CDH13: variants seen among roughly 807,000 people sequenced by gnomAD.
The protein encoded by CDH13 is cadherin 13.
In CDH13, 24 loss-of-function variants were observed where a neutral mutation model predicts 63.8. That is an observed-to-expected ratio of 0.38 (90% confidence interval 0.27 to 0.53). The LOEUF (loss-of-function observed/expected upper bound fraction) is 0.53. Among genes scored for constraint, CDH13 ranks in the 20% least tolerant of loss-of-function variants. CDH13 has a pLI of 0.85. For synonymous variants in CDH13, 503 were observed against 355.3 expected (o/e 1.42, Z -4.67); for missense variants, 1,049 against 903.1 (o/e 1.16, Z -2.07).
chr16:82,665,079 A>G (rs1422135571), intron 1 of CDH13, among the ~76,000 whole-genome samples: 1 of 152,224 alleles, frequency 6.6e-6, no homozygotes, highest in Admixed American at 6.5e-5. Context: ...TATGATGTAT[A>G]TGCTTCCAGG....
intron 2 of CDH13, among the ~76,000 whole-genome samples, chr16:82,975,834 C>G (rs183044600): frequency 1.1e-3 from 172 of 152,122 alleles, no homozygotes; most frequent in Non-Finnish European, 2.1e-3. Flanking sequence ...TGTCTATACC[C>G]CCATCCCTGA....
At chr16:83,320,952 G>A (rs1361135384) in intron 5 of CDH13, among the ~76,000 whole-genome samples, 1 of 152,242 alleles carries the variant, frequency 6.6e-6, no homozygotes. Flanking sequence ...GTCTGAATGT[G>A]AAGTCTTTGG....
intron 2 of CDH13, among the ~76,000 whole-genome samples, chr16:82,974,378 C>A (rs1217130761): frequency 6.6e-6 from 1 of 152,158 alleles, no homozygotes; most frequent in Non-Finnish European, 1.5e-5. Context: ...GTCTCTGGTT[C>A]CCAACACCCT....
intron 5 of CDH13, among the ~76,000 whole-genome samples, chr16:83,324,855 C>A (rs1184958588): frequency 2.6e-5 from 4 of 152,148 alleles, no homozygotes; most frequent in African/African-American, 9.7e-5. Context: ...AATGCTGTTA[C>A]GTTGCCCTTA....
intron 6 of CDH13, among the ~76,000 whole-genome samples, chr16:83,375,205 C>G (rs556661783): frequency 6.6e-6 from 1 of 152,154 alleles, no homozygotes; most frequent in African/African-American, 2.4e-5. Flanking sequence ...TAGTTACTTG[C>G]GATCTGTTTA....
At chr16:83,051,728 C>A (rs1479787345) in intron 3 of CDH13, among the ~76,000 whole-genome samples, 4 of 152,196 alleles carry the variant, frequency 2.6e-5, no homozygotes, top group African/African-American at 9.6e-5. Flanking sequence ...ATCTGAACCT[C>A]CTGCTACCAT....
intron 3 of CDH13, among the ~76,000 whole-genome samples, chr16:83,065,314 G>T (rs150446805): frequency 5.4e-4 from 82 of 152,302 alleles, no homozygotes; most frequent in Non-Finnish European, 1.1e-3. Flanking sequence ...GCCTTAAGAA[G>T]TGAGTTGATC....
chr16:83,164,236 A>C (rs1253000396), intron 4 of CDH13, among the ~76,000 whole-genome samples: 2 of 152,060 alleles, frequency 1.3e-5, no homozygotes, highest in African/African-American at 4.8e-5. Context: ...TGATTAACTT[A>C]ATTTTCCATT....
At chr16:82,782,808 G>C (rs2035825647) in intron 1 of CDH13, among the ~76,000 whole-genome samples, 1 of 152,150 alleles carries the variant, frequency 6.6e-6, no homozygotes, top group Non-Finnish European at 1.5e-5. Flanking sequence ...ATCCTGACAG[G>C]AGCAGGCTGC....
intron 7 of CDH13, among the ~76,000 whole-genome samples, chr16:83,580,115 C>A (rs751839778): frequency 3.9e-5 from 6 of 152,006 alleles, no homozygotes; most frequent in Non-Finnish European, 7.4e-5. Context: ...TCTCCAAGGG[C>A]CTATGGTGCT....
At chr16:82,987,057 A>G (rs965498061) in intron 2 of CDH13, among the ~76,000 whole-genome samples, 3 of 152,194 alleles carry the variant, frequency 2.0e-5, no homozygotes, top group Non-Finnish European at 4.4e-5. Context: ...TGCCTCACAC[A>G]AAATGGCTAC....
At chr16:83,132,536 C>A (rs190630105) in intron 4 of CDH13, among the ~76,000 whole-genome samples, 26 of 150,108 alleles carry the variant, frequency 1.7e-4, no homozygotes, top group African/African-American at 6.1e-4. Flanking sequence ...CAACGTCCGC[C>A]TCCCAGCTTC....
chr16:83,059,524 G>A (rs1355685299), intron 3 of CDH13, among the ~76,000 whole-genome samples: 1 of 152,106 alleles, frequency 6.6e-6, no homozygotes, highest in Non-Finnish European at 1.5e-5. Flanking sequence ...TGTCTGCCAT[G>A]GCCTAGGTTT....
intron 1 of CDH13, among the ~76,000 whole-genome samples, chr16:82,658,071 G>A (rs1306014559): frequency 3.9e-5 from 6 of 152,290 alleles, no homozygotes; most frequent in African/African-American, 1.2e-4. Context: ...TCTTTATTAA[G>A]TTGAAGAAGT....
At chr16:82,667,445 C>G (rs1049445458) in intron 1 of CDH13, among the ~76,000 whole-genome samples, 1 of 152,170 alleles carries the variant, frequency 6.6e-6, no homozygotes, top group African/African-American at 2.4e-5. Context: ...TGAAATAATT[C>G]CTCCACTCAT....
At chr16:83,037,334 A>G (rs1321831583) in intron 3 of CDH13, among the ~76,000 whole-genome samples, 1 of 152,158 alleles carries the variant, frequency 6.6e-6, no homozygotes, top group African/African-American at 2.4e-5. Context: ...TGAGATTGAA[A>G]TTCTGGCCTC....
intron 1 of CDH13, among the ~76,000 whole-genome samples, chr16:82,649,225 A>C (rs1422719230): frequency 6.6e-6 from 1 of 152,212 alleles, no homozygotes; most frequent in African/African-American, 2.4e-5. Flanking sequence ...CACTTATCCA[A>C]GGTCACACAG....
At chr16:82,774,755 C>T (rs1490964967) in intron 1 of CDH13, among the ~76,000 whole-genome samples, 1 of 152,208 alleles carries the variant, frequency 6.6e-6, no homozygotes, top group Non-Finnish European at 1.5e-5. Flanking sequence ...TGAACAGTCA[C>T]AGATCTCAGA....
At chr16:83,128,838 G>A (rs747186524) in intron 4 of CDH13, among the ~76,000 whole-genome samples, 1 of 152,152 alleles carries the variant, frequency 6.6e-6, no homozygotes, top group South Asian at 2.1e-4. Context: ...AGCCCCTTAT[G>A]TGTTGCCCAT....
Sources: gnomAD v4.1 joint callset for allele counts (sites outside exome capture counted in the v4.1 genomes callset) on GRCh38, gnomAD v4.1.1 for gene constraint, MANE v1.5 for transcripts, NCBI Gene and HGNC (gene_info 2026-07-23, HGNC 2026-07-21) for gene names.